The following TRPM1 variants were observed in gnomAD, a reference collection of about 807,000 sequenced individuals.
TRPM1 encodes TRPM1-203 APA Isoform, Intron 10.
TRPM1 carries 113 observed loss-of-function variants against 149.4 expected under a neutral mutation model. The observed-to-expected ratio is 0.76, with a 90% CI of 0.65 to 0.88. The LOEUF is 0.88. Ranked by LOEUF, TRPM1 falls within the 40% of genes least tolerant of loss-of-function variation. The probability of loss-of-function intolerance (pLI) is 0.00; values close to 1 mark genes in which losing one functional copy is unlikely to be tolerated. For synonymous variants in TRPM1, 741 were observed against 759.5 expected, an observed-to-expected ratio of 0.98 and a Z score of 0.40; for missense variants, 1,976 against 2,038.7, an observed-to-expected ratio of 0.97 and a Z score of 0.59.
intron 11 of TRPM1, among the ~76,000 whole-genome samples, chr15:31,052,628 A>C (rs111776398): frequency 0.019 from 2,964 of 152,256 alleles, 92 homozygotes; most frequent in African/African-American, 0.068. Context: ...TACAATAATT[A>C]GCTGGACATG....
chr15:31,094,632 A>G (rs2035328623), intron 1 of TRPM1, among the ~76,000 whole-genome samples: 1 of 152,250 alleles, frequency 6.6e-6, no homozygotes, highest in South Asian at 2.1e-4. Context: ...ATCTTTAGAC[A>G]TTAGGGAAAA....
chr15:31,040,284 G>A lies in TRPM1; in HGVS notation c.2150C>T (p.Ala717Val), dbSNP rs1167075031. ...DQSYKHDEQI[A>V]MKLLTYELKN... Reference sequence around the variant, plus strand: ...CAGCTCGTAGGTCAGGAGTTTCATAGCGATCTGCTCGTCATGCTTATAGGA... The same window carrying A: ...CAGCTCGTAGGTCAGGAGTTTCATAACGATCTGCTCGTCATGCTTATAGGA... The change falls in exon 18 of 28, where the codon GCT becomes GTT. Residue 717 changes from alanine (A) to valine (V), a missense_variant. Physicochemically the swap from Ala to Val is moderately conservative, Grantham distance 64 (BLOSUM62 0). Transcript: ENST00000256552. This position sits in a 1 kb window ranked among gnomAD's most constrained non-coding sequence, Gnocchi z 4.2. 1 of 1,614,112 alleles carries A rather than the reference G, an allele frequency of 6.2e-7. No homozygotes were observed. The highest frequency in any genetic ancestry group is 8.5e-7 in the Non-Finnish European group (1 of 1,180,050).
chr15:31,121,104 G>A (rs958248457), intron 1 of TRPM1, among the ~76,000 whole-genome samples: 2 of 151,120 alleles, frequency 1.3e-5, no homozygotes, highest in African/African-American at 4.9e-5. Flanking sequence ...GTGGGTGCCT[G>A]TAATCCCAGC....
At chr15:31,088,936 G>C (rs932026305) in intron 1 of TRPM1, among the ~76,000 whole-genome samples, 1 of 152,186 alleles carries the variant, frequency 6.6e-6, no homozygotes, top group African/African-American at 2.4e-5. Context: ...TTGCGTGGAA[G>C]CTGCTGGCGC....
intron 2 of TRPM1, 26 bp downstream of exon 2, chr15:31,081,320 GGGAAGGT>G: frequency 9.6e-7 from 1 of 1,039,784 alleles, no homozygotes. Flanking sequence ...GGGGGAGGGG[GGGAAGGT>G]GGAAGTGCTT....
intron 27 of TRPM1, among the ~76,000 whole-genome samples, chr15:31,022,028 G>C (rs2032567270): frequency 6.6e-6 from 1 of 152,090 alleles, no homozygotes; most frequent in Non-Finnish European, 1.5e-5. Context: ...ATTAAGTTTG[G>C]TGTTAAGCTT....
intron 1 of TRPM1, among the ~76,000 whole-genome samples, chr15:31,160,015 C>T (rs1252837481): frequency 7.9e-5 from 12 of 152,240 alleles, no homozygotes; most frequent in Admixed American, 5.2e-4. Context: ...CCCTTGCTGC[C>T]TCCCCCCACC....
At chr15:31,127,826 C>T (rs1053122830) in intron 1 of TRPM1, among the ~76,000 whole-genome samples, 1 of 152,188 alleles carries the variant, frequency 6.6e-6, no homozygotes, top group Non-Finnish European at 1.5e-5. Flanking sequence ...AGGCGCTCGG[C>T]TCCCAGAGGA....
chr15:31,106,432 G>A (rs2035607788), upstream of TRPM1, among the ~76,000 whole-genome samples: 1 of 151,920 alleles, frequency 6.6e-6, no homozygotes, highest in African/African-American at 2.4e-5. Context: ...CACCACGCCT[G>A]GCCGCCACAA....
In TRPM1 at chr15:31,149,154, G is replaced by A. The variant is rs138189834; in HGVS notation, c.54+11752C>T. On this transcript the variant is annotated intron_variant, in intron 1 of 26. Coordinates refer to the TRPM1 transcript ENST00000542188. Reference sequence around the variant, plus strand: ...TACGTGGAAGGGAACTGAGGGCTGGGGAGGCCAGGCAAGAAGCAAAATCCG... The same window carrying A: ...TACGTGGAAGGGAACTGAGGGCTGGAGAGGCCAGGCAAGAAGCAAAATCCG... Among the ~76,000 whole-genome samples, 15 of 152,344 alleles carry A rather than the reference G, an allele frequency of 9.8e-5. No individual in the cohort carries two copies. The East Asian group carries it at 1.2e-3, about 12-fold the overall frequency.
At chr15:31,121,646 G>T (rs2035882152) in intron 1 of TRPM1, among the ~76,000 whole-genome samples, 1 of 152,140 alleles carries the variant, frequency 6.6e-6, no homozygotes, top group Admixed American at 6.5e-5. Flanking sequence ...GCCTGAATAG[G>T]CAATATCTAT....
At chr15:31,159,578 G>T (rs1002480007) in intron 1 of TRPM1, among the ~76,000 whole-genome samples, 1 of 152,150 alleles carries the variant, frequency 6.6e-6, no homozygotes, top group Admixed American at 6.5e-5. Context: ...AGATATATGC[G>T]CCTGTCCCCC....
At chr15:31,076,792 G>C in intron 3 of TRPM1, 113 bp downstream of exon 3, 2 of 836,986 alleles carry the variant, frequency 2.4e-6, no homozygotes, top group Non-Finnish European at 4.2e-6. Context: ...ACTCCCATGG[G>C]GAATGGATTC....
intron 1 of TRPM1, among the ~76,000 whole-genome samples, chr15:31,087,230 G>GAT (rs2035026182): frequency 1.1e-5 from 1 of 87,512 alleles, no homozygotes; most frequent in Non-Finnish European, 2.3e-5. Context: ...TCTCAATAGG[G>GAT]ATTTTTTTTT....
intron 1 of TRPM1, among the ~76,000 whole-genome samples, chr15:31,088,896 T>G (rs1356958902): frequency 6.6e-6 from 1 of 151,776 alleles, no homozygotes. Context: ...GGGAGATCAG[T>G]GTTTGCCTAC....
intron 1 of TRPM1, among the ~76,000 whole-genome samples, chr15:31,158,016 A>G (rs1644389770): frequency 6.6e-6 from 1 of 152,076 alleles, no homozygotes; most frequent in African/African-American, 2.4e-5. Flanking sequence ...TAGAATGAAA[A>G]CAGCCCACTG....
At chr15:31,133,847 C>G (rs574669176) in intron 1 of TRPM1, among the ~76,000 whole-genome samples, 2 of 152,240 alleles carry the variant, frequency 1.3e-5, no homozygotes, top group African/African-American at 4.8e-5. Flanking sequence ...AGAGACAGAG[C>G]CTGCCCTCTG....
At chr15:31,143,349 T>G (rs894694407) in intron 1 of TRPM1, among the ~76,000 whole-genome samples, 4 of 152,240 alleles carry the variant, frequency 2.6e-5, no homozygotes, top group African/African-American at 9.6e-5. Flanking sequence ...CTTTTTAATT[T>G]GAAGCATTGT....
At chr15:31,138,447 G>A (rs2036118740) in intron 1 of TRPM1, among the ~76,000 whole-genome samples, 1 of 152,146 alleles carries the variant, frequency 6.6e-6, no homozygotes, top group Non-Finnish European at 1.5e-5. Context: ...CAATTGTGAG[G>A]GATATCAAAT....
Sources: allele counts gnomAD v4.1 joint callset (sites outside exome capture counted in the v4.1 genomes callset), GRCh38; gene constraint gnomAD v4.1.1; non-coding constraint Gnocchi (gnomAD v3.1); transcripts MANE v1.5; gene names NCBI Gene and HGNC (gene_info 2026-07-23, HGNC 2026-07-21).